Variants in TMEM63A observed in about 807,000 individuals in gnomAD.
TMEM63A encodes the protein mechanosensitive cation channel TMEM63A.
A neutral mutation model predicts 100.6 loss-of-function variants in TMEM63A; 76 were observed. That is an observed-to-expected ratio of 0.76 (90% confidence interval 0.63 to 0.91). The LOEUF (loss-of-function observed/expected upper bound fraction) is 0.91, where lower values mean the gene tolerates loss of function less well. Ranked by LOEUF, TMEM63A falls within the 40% of genes least tolerant of loss-of-function variation. The probability of loss-of-function intolerance (pLI) is 0.00; values close to 1 mark genes in which losing one functional copy is unlikely to be tolerated. For synonymous variants in TMEM63A, 401 were observed against 401.1 expected (o/e 1.00, Z 0.00); for missense variants, 876 against 1,008.8 (o/e 0.87, Z 1.78).
At chr1:225,868,211 T>G (rs980659002) in intron 6 of TMEM63A, among the ~76,000 whole-genome samples, 181 bp from the exon 7 acceptor site, 5 of 152,170 alleles carry the variant, frequency 3.3e-5, no homozygotes, top group African/African-American at 1.2e-4. Context: ...GGATCTCACA[T>G]GATATAAATT....
rs537520845 is a variant in TMEM63A at position 225,880,738 on chromosome 1, G to T, written c.-205-1328C>A. 1.2e-4 allele frequency among the ~76,000 whole-genome samples: 18 copies of T among 152,314 alleles called. No homozygotes were observed. In the South Asian group the frequency reaches 2.1e-3, roughly 18 times the overall value. ...AAGTTCAACCCATGTGCAGGCAAGC[G>T]TCTGATTGTGGCCAGTGGGAGAGGG... On this transcript the variant is annotated intron_variant, in intron 1 of 24. Coordinates refer to ENST00000366835, the MANE Select transcript of TMEM63A (RefSeq NM_014698.3).
intron 4 of TMEM63A, among the ~76,000 whole-genome samples, chr1:225,873,892 A>G (rs1670644030): frequency 6.6e-6 from 1 of 152,226 alleles, no homozygotes; most frequent in South Asian, 2.1e-4. Context: ...CTCAGTATCT[A>G]AAGCAACCAG....
Position 225,855,867 on chromosome 1 carries a change from G to A in TMEM63A, c.1634+11C>T. 6.2e-7 allele frequency: 1 copy of A among 1,613,812 alleles called. No individual in the cohort carries two copies. Among genetic ancestry groups the A allele is most frequent in the African/African-American group, 1.3e-5 (1 of 74,998 alleles). On this transcript the variant is annotated intron_variant, in intron 18 of 24. Coordinates refer to ENST00000366835, the MANE Select transcript of TMEM63A (RefSeq NM_014698.3). Reference sequence around the variant, plus strand: ...GGCCATGGCTCCAGAACTCAACTTGGCAATACTCACTCCAACCTGATGGAG... The same window carrying A: ...GGCCATGGCTCCAGAACTCAACTTGACAATACTCACTCCAACCTGATGGAG...
Position 225,869,666 on chromosome 1 carries a change from C to CTTTTCTTTTCTTTT in TMEM63A, c.371+1409_371+1410insAAAAGAAAAGAAAA, listed in dbSNP as rs76862516. 2.7e-3 allele frequency among the ~76,000 whole-genome samples: 292 copies of CTTTTCTTTTCTTTT among 109,890 alleles called. 3 individuals carry two copies. Among genetic ancestry groups the CTTTTCTTTTCTTTT allele is most frequent in the African/African-American group, 9.3e-3 (263 of 28,278 alleles). 72.1% of individuals were successfully genotyped at this position (109,890 alleles called of 152,430 possible). ...ATCATTTTCATATTTCTTTTCTTTTCTTTTTTTTTTTTTTTGAGACAGTTT... is the reference window on the plus strand; with the variant it reads ...ATCATTTTCATATTTCTTTTCTTTTCTTTTCTTTTCTTTTTTTTTTTTTTTTTTTGAGACAGTTT... On this transcript the variant is annotated intron_variant, in intron 6 of 24. Coordinates refer to ENST00000366835, the MANE Select transcript of TMEM63A (RefSeq NM_014698.3).
chr1:225,845,874 G>A lies in TMEM63A; in HGVS notation c.*1065C>T, dbSNP rs1485271317. On this transcript the variant is annotated 3_prime_UTR_variant, in exon 25 of 25. Coordinates refer to ENST00000366835, the MANE Select transcript of TMEM63A (RefSeq NM_014698.3). The stretch of plus-strand genomic sequence containing the variant: ...CGGACAGGCACAGGCAGGGCCTACA[G>A]AGGTGCCAAGGCCCCAGGCCAGTTG... 1 of 203,268 alleles carries A rather than the reference G, an allele frequency of 4.9e-6. No individual in the cohort carries two copies. The highest frequency in any genetic ancestry group is 1.0e-5 in the Non-Finnish European group (1 of 98,944). The allele number at this position is 203,268 out of a possible 1,614,324, so 12.6% of individuals were successfully genotyped here.
chr1:225,843,707 A>G (rs181171628), downstream of TMEM63A, among the ~76,000 whole-genome samples: 2 of 152,384 alleles, frequency 1.3e-5, no homozygotes, highest in Admixed American at 6.5e-5. Context: ...TAGAAAGAAC[A>G]GGAATACACT....
downstream of TMEM63A, chr1:225,842,545 C>T (rs1576041102): frequency 3.6e-6 from 4 of 1,113,300 alleles, no homozygotes; most frequent in Middle Eastern, 2.0e-4. Flanking sequence ...CTCTTCATCC[C>T]CTTGTCTGGT....
At position 225,870,128 on chromosome 1, in the gene TMEM63A, T is replaced by C. The variant is rs902384890; in HGVS notation, c.371+948A>G. Among the ~76,000 whole-genome samples the C allele has an allele frequency of 1.1e-4, 16 of 152,068 alleles. 1 individual carries two copies. The East Asian group carries it at 2.9e-3, about 28-fold the overall frequency. On this transcript the variant is annotated intron_variant, in intron 6 of 24. Transcript: ENST00000366835. The stretch of plus-strand genomic sequence containing the variant: ...ACTTTGGGAGGCCGAGGCAGGCAGA[T>C]CACCTGAGGTCGGGAGTTGGAGATC...
downstream of TMEM63A, chr1:225,845,516 C>T (rs1246135645): frequency 3.1e-5 from 20 of 655,250 alleles, no homozygotes; most frequent in South Asian, 5.7e-5. Flanking sequence ...CCCCCAACTC[C>T]GTGTGGTAAG....
chr1:225,859,120 C>T (rs1576084864), intron 15 of TMEM63A, 76 bp downstream of exon 15: 12 of 1,599,866 alleles, frequency 7.5e-6, no homozygotes, highest in Admixed American at 1.7e-5. Context: ...CCACTCCTGT[C>T]CCCACTCCTT....
chr1:225,845,471 G>GCTCACCCC (rs1668896762), downstream of TMEM63A: 1 of 990,010 alleles, frequency 1.0e-6, no homozygotes, highest in Admixed American at 2.1e-5. Context: ...GGGAGCCCAC[G>GCTCACCCC]CTCACCCCCT....
In TMEM63A at chr1:225,867,996, C is replaced by T. The variant is rs80287818; in HGVS notation, c.406G>A (p.Ala136Thr). 7.1e-5 allele frequency: 114 copies of T among 1,613,788 alleles called. No homozygotes were observed. The African/African-American group carries it at 1.1e-3, about 16-fold the overall frequency. Residue 136 changes from alanine to threonine, a missense_variant, in exon 7 of 25, where the codon GCC becomes ACC. Around this residue, in one of 5 missense-constraint regions of TMEM63A, gnomAD observed 487 missense variants for 581.9 expected, o/e 0.84. Coordinates refer to ENST00000366835, the MANE Select transcript of TMEM63A (RefSeq NM_014698.3). The surrounding 1 kb of genome is among the most constrained non-coding windows in gnomAD (Gnocchi z 4.6). ...CTCTGGAAGGACAGGTAGTGGATGG[C>T]GTCCTCCCCACACCATTCCAGGATC... is the stretch of plus-strand genomic sequence containing the variant. The part of the protein sequence containing the change: ...DQILEWCGED[A>T]IHYLSFQRHI...
Position 225,871,099 on chromosome 1 carries a change from C to T in TMEM63A, c.348G>A (p.Trp116Ter), listed in dbSNP as rs990276807. The change falls in exon 6 of 25, where the codon TGG becomes TGA. Residue 116 changes from tryptophan to a stop codon, truncating the protein, a stop_gained. Transcript: ENST00000366835. LOFTEE classifies it high-confidence loss of function. Reference sequence around the variant, plus strand: ...ACTGCAGACGGAAGATGGCAGTCAGCCAGGGACAGCATCCCTGGAAACGGA... The same window carrying T: ...ACTGCAGACGGAAGATGGCAGTCAGTCAGGGACAGCATCCCTGGAAACGGA... ...DFENELGCCP[W>*]LTAIFRLHDD... The T allele has an allele frequency of 4.3e-6, 7 of 1,613,800 alleles. No individual in the cohort carries two copies. The Admixed American group carries it at 5.0e-5, about 12-fold the overall frequency.
intron 1 of TMEM63A, among the ~76,000 whole-genome samples, chr1:225,879,990 G>GAGA (rs3834049): frequency 0.57 from 87,026 of 151,796 alleles, 26,833 homozygotes; most frequent in Non-Finnish European, 0.67. Context: ...CAGTGCTGCA[G>GAGA]AGGAGAGAGG....
At chr1:225,857,381 G>GCGGGGGGGGGGGGC (rs769598354) in intron 15 of TMEM63A, among the ~76,000 whole-genome samples, 1 of 1,266 alleles carries the variant, frequency 7.9e-4, no homozygotes. Context: ...CTGGCCGGCG[G>GCGGGGGGGGGGGGC]GGCGGGGGGG....
At chr1:225,871,859 C>A in intron 5 of TMEM63A, 128 bp downstream of exon 5, 1 of 684,420 alleles carries the variant, frequency 1.5e-6, no homozygotes, top group Non-Finnish European at 2.6e-6. Context: ...GTTCAGGTGC[C>A]TTCGTCGATG....
intron 15 of TMEM63A, among the ~76,000 whole-genome samples, chr1:225,857,510 C>T (rs1669699720): frequency 6.6e-6 from 1 of 151,772 alleles, no homozygotes; most frequent in Non-Finnish European, 1.5e-5. Context: ...TGACTTATTA[C>T]TGTCACTGAT....
chr1:225,846,815 C>T lies in TMEM63A; in HGVS notation c.*124G>A. 1 of 499,280 alleles carries T rather than the reference C, an allele frequency of 2.0e-6. No homozygotes were observed. The highest frequency in any genetic ancestry group is 3.4e-6 in the Non-Finnish European group (1 of 291,814). The allele number at this position is 499,280 out of a possible 1,614,324, so 30.9% of individuals were successfully genotyped here. The stretch of plus-strand genomic sequence containing the variant: ...CCTGCCTGTGCTCTCCTCACCACTG[C>T]TGGGACCAGAAAAGATGGGCACCTG... On this transcript the variant is annotated 3_prime_UTR_variant, in exon 25 of 25. Transcript: ENST00000366835.
chr1:225,878,108 G>A (rs2102649232), intron 2 of TMEM63A, among the ~76,000 whole-genome samples: 1 of 152,266 alleles, frequency 6.6e-6, no homozygotes, highest in East Asian at 1.9e-4. Context: ...ACGAGCCACA[G>A]ACAACACCTC....
Sources: allele counts gnomAD v4.1 joint callset (sites outside exome capture counted in the v4.1 genomes callset), GRCh38; gene constraint gnomAD v4.1.1; regional missense constraint gnomAD v4.1.1; non-coding constraint Gnocchi (gnomAD v3.1); transcripts MANE v1.5; gene names NCBI Gene and HGNC (gene_info 2026-07-23, HGNC 2026-07-21).